The following IFT43 variants were observed in gnomAD, a reference collection of about 807,000 sequenced individuals.
IFT43 encodes intraflagellar transport protein 43 homolog.
IFT43 carries 33 observed loss-of-function variants against 32.3 expected under a neutral mutation model. That is an observed-to-expected ratio of 1.02 (90% CI 0.77 to 1.37). IFT43 has a LOEUF of 1.37. Among genes scored for constraint, IFT43 ranks in the 40% most tolerant of loss-of-function variants. IFT43 has a pLI of 0.00. For missense variants in IFT43, 274 were observed against 265.9 expected, an observed-to-expected ratio of 1.03 and a Z score of -0.21; for synonymous variants, 93 against 98.2, an observed-to-expected ratio of 0.95 and a Z score of 0.31.
chr14:76,058,914 C>A, intron 4 of IFT43: 6 of 1,456,988 alleles, frequency 4.1e-6, no homozygotes, highest in Non-Finnish European at 5.4e-6. Context: ...AATTATATGT[C>A]CAGGTATCAG....
At chr14:76,048,821 A>G (rs1162662101) in intron 3 of IFT43, among the ~76,000 whole-genome samples, 1 of 152,174 alleles carries the variant, frequency 6.6e-6, no homozygotes, top group Non-Finnish European at 1.5e-5. Flanking sequence ...GGGATTCACC[A>G]GGGTGGGCCC....
chr14:76,047,380 G>T (rs555723290), intron 3 of IFT43, among the ~76,000 whole-genome samples: 14 of 152,294 alleles, frequency 9.2e-5, no homozygotes, highest in African/African-American at 3.1e-4. Context: ...TGTTTGGAAG[G>T]TTTAGCAGGT....
intron 3 of IFT43, among the ~76,000 whole-genome samples, chr14:76,038,506 AT>A (rs2036646114): frequency 6.6e-6 from 1 of 152,248 alleles, no homozygotes; most frequent in Admixed American, 6.5e-5. Context: ...CCAAAGTGTA[AT>A]TTTTTGCTTT....
chr14:76,002,378 G>A (rs115251437), intron 2 of IFT43, among the ~76,000 whole-genome samples: 1,826 of 151,858 alleles, frequency 0.012, 45 homozygotes, highest in African/African-American at 0.042. Context: ...GGGGGGGGTG[G>A]CATGATGTCA....
intron 3 of IFT43, among the ~76,000 whole-genome samples, chr14:76,052,649 C>A (rs922898401): frequency 3.3e-5 from 5 of 152,088 alleles, no homozygotes; most frequent in Non-Finnish European, 5.9e-5. Flanking sequence ...CAAATCACAC[C>A]GTCAAATGTC....
At chr14:76,064,171 A>G (rs985233526) in intron 5 of IFT43, among the ~76,000 whole-genome samples, 2 of 152,132 alleles carry the variant, frequency 1.3e-5, no homozygotes, top group Admixed American at 6.5e-5. Flanking sequence ...CCTTAGCACT[A>G]CCCACTAACT....
intron 7 of IFT43, 21 bp from the exon 8 acceptor site, chr14:76,083,205 CT>C (rs922208811): frequency 3.1e-6 from 5 of 1,614,034 alleles, no homozygotes; most frequent in South Asian, 1.1e-5. Flanking sequence ...TCAGCCTGAC[CT>C]TTTTTTGTTT....
At chr14:76,038,195 G>A (rs1056799243) in intron 3 of IFT43, 3 of 152,250 alleles carry the variant, frequency 2.0e-5, no homozygotes, top group African/African-American at 7.2e-5. Context: ...AGATGGGGCT[G>A]TTGCATGTGA....
intron 3 of IFT43, among the ~76,000 whole-genome samples, chr14:76,025,686 C>G (rs1240661460): frequency 1.3e-5 from 2 of 152,050 alleles, no homozygotes; most frequent in Non-Finnish European, 2.9e-5. Flanking sequence ...CTGACAAAAA[C>G]AAGCAATGGG....
chr14:76,024,593 GT>G (rs1461435354), intron 3 of IFT43, among the ~76,000 whole-genome samples: 1 of 152,224 alleles, frequency 6.6e-6, no homozygotes, highest in African/African-American at 2.4e-5. Flanking sequence ...TACATAGCTT[GT>G]TGCTGCAATT....
At chr14:76,079,875 G>A (rs936587910) in intron 5 of IFT43, among the ~76,000 whole-genome samples, 1 of 151,908 alleles carries the variant, frequency 6.6e-6, no homozygotes, top group Admixed American at 6.6e-5. Context: ...TTGTGAAGAA[G>A]CTAGTTTCCT....
intron 3 of IFT43, among the ~76,000 whole-genome samples, chr14:76,023,680 G>A (rs889246633): frequency 6.6e-6 from 1 of 152,214 alleles, no homozygotes; most frequent in Non-Finnish European, 1.5e-5. Context: ...CTGGCAGGTG[G>A]TGATGTTTGT....
chr14:75,996,551 C>T (rs1185830260), intron 2 of IFT43, among the ~76,000 whole-genome samples: 2 of 152,138 alleles, frequency 1.3e-5, no homozygotes, highest in Non-Finnish European at 2.9e-5. Context: ...AACAACTGGC[C>T]CTTATGGCAA....
At chr14:76,004,715 G>A (rs1412727111) in intron 2 of IFT43, among the ~76,000 whole-genome samples, 1 of 152,002 alleles carries the variant, frequency 6.6e-6, no homozygotes, top group East Asian at 1.9e-4. Flanking sequence ...TTTTTGTTCT[G>A]AAGCCTTATT....
chr14:76,015,674 G>A (rs1594818128), intron 2 of IFT43, among the ~76,000 whole-genome samples: 1 of 152,220 alleles, frequency 6.6e-6, no homozygotes, highest in East Asian at 1.9e-4. Flanking sequence ...ATAATGGGAA[G>A]AAAATGAGAG....
At chr14:75,990,958 G>A (rs570811426) in intron 2 of IFT43, among the ~76,000 whole-genome samples, 30 of 152,300 alleles carry the variant, frequency 2.0e-4, no homozygotes, top group South Asian at 6.2e-4. Flanking sequence ...GCATATTTCA[G>A]TGAACAAAAG....
chr14:76,013,068 A>T (rs950651419), intron 2 of IFT43, among the ~76,000 whole-genome samples: 1 of 152,180 alleles, frequency 6.6e-6, no homozygotes, highest in Non-Finnish European at 1.5e-5. Context: ...TGCTTGGTCA[A>T]GGAGGACTCT....
chr14:76,038,733 T>G (rs2036650159), intron 3 of IFT43, among the ~76,000 whole-genome samples: 1 of 152,324 alleles, frequency 6.6e-6, no homozygotes, highest in Middle Eastern at 3.4e-3. Context: ...CCCATTGAAG[T>G]AGGGAAAAGT....
At chr14:76,039,830 C>T (rs777410047) in intron 3 of IFT43, among the ~76,000 whole-genome samples, 6 of 152,126 alleles carry the variant, frequency 3.9e-5, no homozygotes, top group Non-Finnish European at 8.8e-5. Flanking sequence ...GTACTCTATG[C>T]AGGTTAATAT....
Sources: gnomAD v4.1 joint callset for allele counts (sites outside exome capture counted in the v4.1 genomes callset) on GRCh38, gnomAD v4.1.1 for gene constraint, MANE v1.5 for transcripts, NCBI Gene and HGNC (gene_info 2026-07-23, HGNC 2026-07-21) for gene names.